Variants in WDR7 observed in about 807,000 individuals in gnomAD.
WDR7 encodes WD repeat-containing protein 7.
WDR7 carries 46 observed loss-of-function variants against 169.4 expected under a neutral mutation model. That is an observed-to-expected ratio of 0.27 (90% CI 0.21 to 0.35). The LOEUF (loss-of-function observed/expected upper bound fraction) is 0.35, where lower values mean the gene tolerates loss of function less well. Ranked by LOEUF, WDR7 falls within the 10% of genes least tolerant of loss-of-function variation. The pLI is 1.00. For synonymous variants in WDR7, 612 were observed against 666.8 expected (o/e 0.92, Z 1.27); for missense variants, 1,534 against 1,859.3 (o/e 0.83, Z 3.22).
At chr18:56,927,758 C>T (rs2046827417) in intron 22 of WDR7, among the ~76,000 whole-genome samples, 1 of 152,152 alleles carries the variant, frequency 6.6e-6, no homozygotes, top group Admixed American at 6.5e-5. Context: ...ATTAATTAAT[C>T]AAGCATATTG....
intron 20 of WDR7, among the ~76,000 whole-genome samples, chr18:56,835,298 TTAA>T (rs937393126): frequency 2.3e-4 from 35 of 152,210 alleles, no homozygotes; most frequent in Admixed American, 1.7e-3. Flanking sequence ...ATTCATCTTG[TTAA>T]TAATAATACT....
chr18:56,903,412 T>C (rs1354159741), intron 21 of WDR7, among the ~76,000 whole-genome samples: 1 of 151,766 alleles, frequency 6.6e-6, no homozygotes, highest in Non-Finnish European at 1.5e-5. Context: ...TTATTTTTAT[T>C]ATTTATTTAT....
At chr18:57,021,876 GA>G (rs1257146641) in intron 27 of WDR7, among the ~76,000 whole-genome samples, 1 of 152,114 alleles carries the variant, frequency 6.6e-6, no homozygotes, top group Non-Finnish European at 1.5e-5. Flanking sequence ...GTGATAGTTG[GA>G]AAAAATCAAT....
chr18:56,663,892 A>G (rs1470010443), intron 1 of WDR7, among the ~76,000 whole-genome samples: 1 of 152,162 alleles, frequency 6.6e-6, no homozygotes, highest in Non-Finnish European at 1.5e-5. Flanking sequence ...AACATGAGGT[A>G]ACAGGGTTAA....
At chr18:56,697,785 C>T (rs2025735372) in intron 12 of WDR7, among the ~76,000 whole-genome samples, 1 of 152,048 alleles carries the variant, frequency 6.6e-6, no homozygotes, top group African/African-American at 2.4e-5. Context: ...TAGTTTAGAA[C>T]AACCATTTCT....
chr18:56,969,598 T>A (rs2047455682), intron 26 of WDR7, among the ~76,000 whole-genome samples: 1 of 152,190 alleles, frequency 6.6e-6, no homozygotes, highest in East Asian at 1.9e-4. Flanking sequence ...TCTATACTAA[T>A]AGGTGAAGCA....
At chr18:56,693,589 T>TG (rs2025628421) in intron 9 of WDR7, among the ~76,000 whole-genome samples, 1 of 139,864 alleles carries the variant, frequency 7.1e-6, no homozygotes. Context: ...TTTTTTTTTT[T>TG]GAGATGGAGT....
At chr18:56,897,227 C>T (rs1027417103) in intron 21 of WDR7, among the ~76,000 whole-genome samples, 1 of 151,956 alleles carries the variant, frequency 6.6e-6, no homozygotes, top group African/African-American at 2.4e-5. Flanking sequence ...GGTTTAGTCT[C>T]TTTGGAAAAC....
rs556864900 is a variant in WDR7 at position 56,671,111 on chromosome 18, A to G, written c.-19-1386A>G. 5.3e-5 allele frequency among the ~76,000 whole-genome samples: 8 copies of G among 152,276 alleles called. No individual in the cohort carries two copies. The South Asian group carries it at 1.7e-3, about 32-fold the overall frequency. ...AGGATGCTCTGGTTAATCTATTACT[A>G]TCTCAAATTTAAATCCCTTCACCAG... On this transcript the variant is annotated intron_variant, in intron 1 of 27. Transcript: ENST00000254442.
chr18:56,889,710 G>A lies in WDR7; in HGVS notation c.3526+9545G>A, dbSNP rs190103133. Among the ~76,000 whole-genome samples, 360 of 152,266 alleles carry A rather than the reference G, an allele frequency of 2.4e-3. 2 individuals are homozygous for A. The highest frequency in any genetic ancestry group is 8.1e-3 in the African/African-American group (338 of 41,544). ...TTTTCACCATTCCACATATTTTTGTGTGTTATAAAGAAGATTCAGAACTGC... is the reference window on the plus strand; with the variant it reads ...TTTTCACCATTCCACATATTTTTGTATGTTATAAAGAAGATTCAGAACTGC... On this transcript the variant is annotated intron_variant, in intron 21 of 27. Transcript: ENST00000254442.
intron 21 of WDR7, among the ~76,000 whole-genome samples, chr18:56,916,482 G>A (rs2046627461): frequency 6.6e-6 from 1 of 152,084 alleles, no homozygotes; most frequent in Non-Finnish European, 1.5e-5. Context: ...ATTCCATGGT[G>A]TATATGTGCC....
In WDR7 at chr18:56,756,754, C is replaced by A. The variant is rs1435570797; in HGVS notation, c.2161C>A (p.Gln721Lys). ...NTALISPENLQKASGSSDKGG... is the reference protein window; with the variant it reads ...NTALISPENLKKASGSSDKGG... ...TGCTCTTATTTCCCCAGAGAATTTG[C>A]AAAAAGCATCTGGCAGTTCAGACAA... Residue 721 changes from glutamine to lysine, a missense_variant, in exon 15 of 28, where the codon CAA (glutamine) becomes AAA (lysine). Coordinates refer to ENST00000254442, the MANE Select transcript of WDR7 (RefSeq NM_015285.3). The A allele has an allele frequency of 6.2e-7, 1 of 1,614,014 alleles. No homozygotes were observed.
intron 12 of WDR7, among the ~76,000 whole-genome samples, chr18:56,716,849 G>A (rs2026203385): frequency 6.6e-6 from 1 of 152,170 alleles, no homozygotes; most frequent in Admixed American, 6.5e-5. Flanking sequence ...CCCAACCTCA[G>A]TATTGTCAGT....
At chr18:56,906,112 C>G (rs1367743371) in intron 21 of WDR7, among the ~76,000 whole-genome samples, 1 of 152,142 alleles carries the variant, frequency 6.6e-6, no homozygotes, top group Non-Finnish European at 1.5e-5. Flanking sequence ...AGGCATTGTA[C>G]GCTTCTGATG....
intron 25 of WDR7, among the ~76,000 whole-genome samples, chr18:56,961,837 T>C (rs77358852): frequency 0.042 from 6,380 of 152,228 alleles, 442 homozygotes; most frequent in African/African-American, 0.14. Flanking sequence ...ACATGGGAAA[T>C]CAAGGGAACT....
At chr18:56,726,281 T>C (rs973208959) in intron 13 of WDR7, among the ~76,000 whole-genome samples, 3 of 152,364 alleles carry the variant, frequency 2.0e-5, no homozygotes, top group African/African-American at 7.2e-5. Context: ...TTCCTATCTA[T>C]GAGCATGGAA....
chr18:56,808,384 G>A (rs1252439179), intron 19 of WDR7, among the ~76,000 whole-genome samples: 1 of 152,082 alleles, frequency 6.6e-6, no homozygotes, highest in East Asian at 1.9e-4. Context: ...AAAAATATCT[G>A]CCATTCTTTT....
At chr18:56,981,513 C>A (rs2047644322) in intron 26 of WDR7, among the ~76,000 whole-genome samples, 1 of 152,036 alleles carries the variant, frequency 6.6e-6, no homozygotes, top group Non-Finnish European at 1.5e-5. Flanking sequence ...AGGGCTGGGA[C>A]AAAGCCCTGA....
chr18:56,700,894 C>G (rs1167332742), intron 12 of WDR7, among the ~76,000 whole-genome samples: 1 of 152,088 alleles, frequency 6.6e-6, no homozygotes, highest in East Asian at 1.9e-4. Flanking sequence ...AGGAAAAGAT[C>G]TTTGAAATTC....
Sources: allele counts gnomAD v4.1 joint callset (sites outside exome capture counted in the v4.1 genomes callset), GRCh38; gene constraint gnomAD v4.1.1; transcripts MANE v1.5; gene names NCBI Gene and HGNC (gene_info 2026-07-23, HGNC 2026-07-21).